The following CROT variants were observed in gnomAD, a reference collection of about 807,000 sequenced individuals.
CROT encodes carnitine O-octanoyltransferase, also known as peroxisomal carnitine O-octanoyltransferase.
In CROT, 84 loss-of-function variants were observed where a neutral mutation model predicts 89.2. The ratio of observed to expected loss-of-function variants is 0.94; its 90% confidence interval spans 0.79 to 1.13. CROT has a LOEUF of 1.13. Ranked by LOEUF, CROT falls within the 50% of genes most tolerant of loss-of-function variation. The pLI is 0.00. For synonymous variants in CROT, 212 were observed against 239.5 expected (o/e 0.89, Z 1.06); for missense variants, 711 against 727.8 (o/e 0.98, Z 0.27).
chr7:87,367,760 C>G (rs151017731), intron 6 of CROT, among the ~76,000 whole-genome samples: 476 of 152,204 alleles, frequency 3.1e-3, no homozygotes, highest in African/African-American at 0.011. Context: ...CTTGATTGTT[C>G]CAGTCTGTAA....
intron 12 of CROT, 56 bp downstream of exon 12, chr7:87,382,237 T>C: frequency 6.7e-7 from 1 of 1,482,944 alleles, no homozygotes; most frequent in Non-Finnish European, 9.3e-7. Flanking sequence ...AACAACCATA[T>C]GTAAAAATTT....
chr7:87,371,521 A>G (rs1200602293), intron 7 of CROT, among the ~76,000 whole-genome samples: 1 of 152,232 alleles, frequency 6.6e-6, no homozygotes, highest in Non-Finnish European at 1.5e-5. Context: ...GTATTTGGAT[A>G]AAATATCTAT....
rs1225063285 is a variant in CROT at position 87,375,965 on chromosome 7, C to A, written c.876+12C>A. 1 of 1,479,932 alleles carries A rather than the reference C, an allele frequency of 6.8e-7. No individual in the cohort carries two copies. Among genetic ancestry groups the A allele is most frequent in the South Asian group, 1.3e-5 (1 of 76,382 alleles). The allele number at this position is 1,479,932 out of a possible 1,614,324, so 91.7% of individuals were successfully genotyped here. ...AGGATTATTCTGAGGTACTTAACTACCTTCTCTTTTTTTTTTTATTGCAGA... is the reference window on the plus strand; with the variant it reads ...AGGATTATTCTGAGGTACTTAACTAACTTCTCTTTTTTTTTTTATTGCAGA... On this transcript the variant is annotated intron_variant, in intron 9 of 17. Transcript: ENST00000331536.
intron 3 of CROT, among the ~76,000 whole-genome samples, chr7:87,355,918 A>T (rs1008151253): frequency 3.9e-5 from 6 of 152,240 alleles, no homozygotes; most frequent in African/African-American, 1.2e-4. Context: ...AAACTTAGGA[A>T]GCAAGAAACC....
intron 6 of CROT, among the ~76,000 whole-genome samples, chr7:87,366,708 A>G (rs1229081390): frequency 1.3e-5 from 2 of 152,190 alleles, no homozygotes; most frequent in Admixed American, 1.3e-4. Context: ...ACTCCCAGGC[A>G]TACACATTCA....
At chr7:87,375,481 G>A (rs1806780144) in intron 7 of CROT, 151 bp from the exon 8 acceptor site, 2 of 565,248 alleles carry the variant, frequency 3.5e-6, no homozygotes, top group East Asian at 5.7e-5. Context: ...AAAAAAATAT[G>A]TGATGTAGGA....
At chr7:87,370,032 C>T (rs971444264) in intron 7 of CROT, among the ~76,000 whole-genome samples, 10 of 151,872 alleles carry the variant, frequency 6.6e-5, no homozygotes, top group Admixed American at 2.6e-4. Context: ...TCAACTATAC[C>T]TCTTTTACCT....
At chr7:87,347,705 T>G (rs1293593226) in intron 2 of CROT, among the ~76,000 whole-genome samples, 1 of 152,182 alleles carries the variant, frequency 6.6e-6, no homozygotes, top group Non-Finnish European at 1.5e-5. Flanking sequence ...AAGTTTTTTT[T>G]TTTCCATACA....
At chr7:87,362,642 A>T (rs564402404) in intron 6 of CROT, among the ~76,000 whole-genome samples, 4 of 148,450 alleles carry the variant, frequency 2.7e-5, no homozygotes, top group South Asian at 2.1e-4. Flanking sequence ...TGACTCATCA[A>T]TTTTTTTTTT....
At chr7:87,348,535 C>T (rs1470846585) in intron 2 of CROT, among the ~76,000 whole-genome samples, 2 of 152,306 alleles carry the variant, frequency 1.3e-5, no homozygotes, top group East Asian at 3.9e-4. Context: ...CTTTTCTATA[C>T]ATCAAATACT....
chr7:87,351,560 A>C lies in CROT; in HGVS notation c.115+2377A>C, dbSNP rs190421979. ...ATCAAGTTTAATATTAAAACTAGTA[A>C]TTTCATTTTGAGAGTAGTACTTATC... On this transcript the variant is annotated intron_variant, in intron 3 of 17. Transcript: ENST00000331536. Among the ~76,000 whole-genome samples, 305 of 151,554 alleles carry C rather than the reference A, an allele frequency of 2.0e-3. 8 individuals carry two copies. The highest frequency in any genetic ancestry group is 2.8e-4 in the Non-Finnish European group (19 of 68,024).
At chr7:87,388,096 C>T (rs1398674050) in intron 13 of CROT, among the ~76,000 whole-genome samples, 1 of 152,112 alleles carries the variant, frequency 6.6e-6, no homozygotes, top group Non-Finnish European at 1.5e-5. Context: ...CAAGACTGCA[C>T]AGAGAAACAG....
intron 13 of CROT, among the ~76,000 whole-genome samples, chr7:87,388,203 A>G (rs896638721): frequency 3.3e-5 from 5 of 152,120 alleles, no homozygotes; most frequent in Non-Finnish European, 1.5e-5. Context: ...AGTTGCCCCA[A>G]GTAATTTATA....
At chr7:87,361,669 G>T in intron 5 of CROT, 59 bp from the exon 6 acceptor site, 3 of 1,537,170 alleles carry the variant, frequency 2.0e-6, no homozygotes, top group Non-Finnish European at 8.7e-7. Context: ...GAACACTTCA[G>T]TTGTGGCTGG....
At chr7:87,384,549 T>C (rs77087740) in intron 13 of CROT, among the ~76,000 whole-genome samples, 1,899 of 152,252 alleles carry the variant, frequency 0.012, 38 homozygotes, top group African/African-American at 0.042. Context: ...CAAAAAAGAT[T>C]ATTTGTCCAT....
At chr7:87,385,398 T>C (rs1436848765) in intron 13 of CROT, among the ~76,000 whole-genome samples, 1 of 152,100 alleles carries the variant, frequency 6.6e-6, no homozygotes, top group East Asian at 1.9e-4. Context: ...TTGTATTGAT[T>C]TTTTTACTTT....
intron 17 of CROT, among the ~76,000 whole-genome samples, chr7:87,394,086 G>A (rs894993034): frequency 1.5e-4 from 23 of 152,096 alleles, no homozygotes; most frequent in African/African-American, 3.9e-4. Flanking sequence ...GACTTTATAT[G>A]GTGCCATTTG....
At chr7:87,361,921 G>A in intron 6 of CROT, 69 bp downstream of exon 6, 4 of 1,360,410 alleles carry the variant, frequency 2.9e-6, no homozygotes, top group Non-Finnish European at 3.0e-6. Context: ...ATGACGTGAT[G>A]GAACATACAC....
rs1384516370 is a variant in CROT at position 87,377,504 on chromosome 7, C to T, written c.978+54C>T. On this transcript the variant is annotated intron_variant, in intron 10 of 17. Coordinates refer to ENST00000331536, the MANE Select transcript of CROT (RefSeq NM_021151.4). ...TTGATCTTTTAGGTTAAATTAATGACAATAAACCATAAATACTTGTGCTGG... is the reference window on the plus strand; with the variant it reads ...TTGATCTTTTAGGTTAAATTAATGATAATAAACCATAAATACTTGTGCTGG... 11 of 1,018,728 alleles carry T rather than the reference C, an allele frequency of 1.1e-5. No homozygotes were observed. In the Admixed American group the frequency reaches 1.4e-4, roughly 13 times the overall value. 63.1% of individuals were successfully genotyped at this position (1,018,728 alleles called of 1,614,324 possible).
Sources: allele counts gnomAD v4.1 joint callset (sites outside exome capture counted in the v4.1 genomes callset), GRCh38; gene constraint gnomAD v4.1.1; transcripts MANE v1.5; gene names NCBI Gene and HGNC (gene_info 2026-07-23, HGNC 2026-07-21).